Variants in ATP9A observed in about 807,000 individuals in gnomAD.
ATP9A encodes the protein ATPase phospholipid transporting 9A.
ATP9A carries 52 observed loss-of-function variants against 144.1 expected under a neutral mutation model. That is an observed-to-expected ratio of 0.36 (90% CI 0.29 to 0.45). The LOEUF is 0.45. Among genes scored for constraint, ATP9A ranks in the 20% least tolerant of loss-of-function variants. The pLI, the probability that ATP9A is intolerant of heterozygous loss-of-function variation, is 1.00. For missense variants in ATP9A, 947 were observed against 1,392.7 expected (o/e 0.68, Z 5.09); for synonymous variants, 582 against 557.4 (o/e 1.04, Z -0.62).
intron 12 of ATP9A, 93 bp downstream of exon 12, chr20:51,671,012 ACGCATCTCTC>A: frequency 7.9e-7 from 1 of 1,272,694 alleles, no homozygotes. Flanking sequence ...TAGCAGCAAC[ACGCATCTCTC>A]ATATGTCCAG....
chr20:51,689,034 G>C (rs772493219), intron 9 of ATP9A, 30 bp downstream of exon 9: 1 of 1,605,586 alleles, frequency 6.2e-7, no homozygotes, highest in Admixed American at 1.7e-5. Context: ...TTTTCAAATT[G>C]CTACCACATT....
intron 1 of ATP9A, among the ~76,000 whole-genome samples, chr20:51,754,873 G>C (rs1352152732): frequency 6.6e-6 from 1 of 151,558 alleles, no homozygotes; most frequent in Non-Finnish European, 1.5e-5. Context: ...CAGCACTTTG[G>C]GAGGCCGAGG....
chr20:51,728,080 G>A (rs1281374933), intron 2 of ATP9A, among the ~76,000 whole-genome samples: 1 of 152,138 alleles, frequency 6.6e-6, no homozygotes, highest in African/African-American at 2.4e-5. Context: ...TGACTAGTTT[G>A]GGCCAATAGG....
chr20:51,645,390 G>C (rs1051786536), intron 14 of ATP9A, among the ~76,000 whole-genome samples: 3 of 152,148 alleles, frequency 2.0e-5, no homozygotes, highest in African/African-American at 7.2e-5. Context: ...CGTGGTGGCA[G>C]GCACCTATAA....
chr20:51,718,371 T>TG (rs1271321668), intron 3 of ATP9A, among the ~76,000 whole-genome samples: 4 of 139,726 alleles, frequency 2.9e-5, no homozygotes, highest in South Asian at 5.6e-4. Context: ...CCTATGTGTG[T>TG]GTGGGGGGGG....
chr20:51,628,938 C>T, intron 16 of ATP9A, 42 bp downstream of exon 16: 1 of 1,548,936 alleles, frequency 6.5e-7, no homozygotes, highest in Non-Finnish European at 8.9e-7. Flanking sequence ...CTCTGCAGAA[C>T]ATGCTTCCAA....
chr20:51,689,285 A>C (rs45465399), intron 8 of ATP9A, 146 bp from the exon 9 acceptor site: 1 of 690,978 alleles, frequency 1.4e-6, no homozygotes, highest in Non-Finnish European at 2.4e-6. Context: ...CGGCTCCACC[A>C]TGAGGGGAGG....
At chr20:51,641,546 G>C (rs1165926354) in intron 14 of ATP9A, among the ~76,000 whole-genome samples, 1 of 151,408 alleles carries the variant, frequency 6.6e-6, no homozygotes, top group African/African-American at 2.4e-5. Context: ...CGGGCGCGGT[G>C]GCTCACACCT....
At chr20:51,655,466 A>G (rs2077383088) in intron 14 of ATP9A, among the ~76,000 whole-genome samples, 1 of 144,324 alleles carries the variant, frequency 6.9e-6, no homozygotes, top group Non-Finnish European at 1.5e-5. Context: ...GAAAATGGAT[A>G]AAGGATATGG....
intron 26 of ATP9A, 54 bp from the exon 27 acceptor site, chr20:51,605,074 C>G: frequency 6.9e-7 from 1 of 1,453,538 alleles, no homozygotes; most frequent in Non-Finnish European, 9.2e-7. Context: ...AAGCCGTGCG[C>G]TGCTCGCCTA....
In ATP9A at chr20:51,622,067, A is replaced by G. The variant is rs772766718; in HGVS notation, c.2115+7T>C. ...CCCACATGGCCCTAACGCAGAGGAC[A>G]CTTTACCAGCCGAAAAACGTGGATG... On this transcript the variant is annotated splice_region_variant and intron_variant, in intron 19 of 27. Coordinates refer to ENST00000338821, the MANE Select transcript of ATP9A (RefSeq NM_006045.3). The G allele has an allele frequency of 1.2e-6, 2 of 1,613,744 alleles. No individual in the cohort carries two copies. Among genetic ancestry groups the G allele is most frequent in the South Asian group, 1.1e-5 (1 of 91,056 alleles).
chr20:51,625,111 T>TC, intron 18 of ATP9A, 81 bp downstream of exon 18: 1 of 1,412,110 alleles, frequency 7.1e-7, no homozygotes, highest in Non-Finnish European at 9.6e-7. Context: ...TCCCACCCTT[T>TC]CCCCCTGTGA....
chr20:51,696,573 G>A (rs973517839), intron 5 of ATP9A, among the ~76,000 whole-genome samples: 6 of 152,098 alleles, frequency 3.9e-5, no homozygotes, highest in South Asian at 4.1e-4. Context: ...TAATAAGGAA[G>A]GAAAGTAGTA....
intron 27 of ATP9A, among the ~76,000 whole-genome samples, chr20:51,601,636 G>C (rs774952573): frequency 2.6e-5 from 4 of 152,224 alleles, no homozygotes; most frequent in Admixed American, 6.5e-5. Context: ...ACCAGATGCA[G>C]TGGCTCATGC....
chr20:51,670,052 T>C lies in ATP9A; in HGVS notation c.1238A>G (p.Tyr413Cys). Residue 413 changes from tyrosine to cysteine, a missense_variant, in exon 13 of 28, where the codon TAC becomes TGC. Tyr to Cys is a radical substitution (Grantham distance 194). Transcript: ENST00000338821. ...FKRLHLGTVA[Y>C]GLDSMDEVQS... Reference sequence around the variant, plus strand: ...TACTTCGTCCATTGAGTCGAGGCCGTAGGCTACTGTTCCGAGATGGAGCCG... The same window carrying C: ...TACTTCGTCCATTGAGTCGAGGCCGCAGGCTACTGTTCCGAGATGGAGCCG... 1 of 1,614,210 alleles carries C rather than the reference T, an allele frequency of 6.2e-7. No individual in the cohort carries two copies. Among genetic ancestry groups the C allele is most frequent in the Non-Finnish European group, 8.5e-7 (1 of 1,180,040 alleles).
At chr20:51,613,970 T>G in intron 22 of ATP9A, 138 bp from the exon 23 acceptor site, 3 of 862,880 alleles carry the variant, frequency 3.5e-6, no homozygotes, top group Non-Finnish European at 5.2e-6. Context: ...TCAAGCTATA[T>G]GCAGTTGGTG....
At chr20:51,686,682 C>T (rs2077524472) in intron 9 of ATP9A, among the ~76,000 whole-genome samples, 1 of 152,112 alleles carries the variant, frequency 6.6e-6, no homozygotes, top group South Asian at 2.1e-4. Context: ...TGCCTGTAAC[C>T]CCAGCACTTT....
intron 4 of ATP9A, among the ~76,000 whole-genome samples, chr20:51,707,427 C>A (rs1402513463): frequency 6.6e-6 from 1 of 152,134 alleles, no homozygotes; most frequent in Non-Finnish European, 1.5e-5. Flanking sequence ...GCTTCAATAC[C>A]ATCCACACTG....
intron 1 of ATP9A, among the ~76,000 whole-genome samples, chr20:51,765,654 A>AAAAAAAAAAAAAAAAAC: frequency 6.7e-6 from 1 of 149,212 alleles, no homozygotes; most frequent in Non-Finnish European, 1.5e-5. Flanking sequence ...AAAAAAAAAA[A>AAAAAAAAAAAAAAAAAC]CAGAATTAGA....
Sources: gnomAD v4.1 joint callset for allele counts (sites outside exome capture counted in the v4.1 genomes callset) on GRCh38, gnomAD v4.1.1 for gene constraint, MANE v1.5 for transcripts, NCBI Gene and HGNC (gene_info 2026-07-23, HGNC 2026-07-21) for gene names.